CSMD1: variants seen among roughly 807,000 people sequenced by gnomAD.
CSMD1 encodes CUB and sushi domain-containing protein 1.
A neutral mutation model predicts 417.5 loss-of-function variants in CSMD1; 213 were observed. The observed-to-expected ratio is 0.51, with a 90% CI of 0.46 to 0.57. The LOEUF is 0.57. Among genes scored for constraint, CSMD1 ranks in the 20% least tolerant of loss-of-function variants. The pLI, the probability that CSMD1 is intolerant of heterozygous loss-of-function variation, is 0.00. For synonymous variants in CSMD1, 2,862 were observed against 1,736.8 expected (o/e 1.65, Z -16.11); for missense variants, 6,923 against 4,529.7 (o/e 1.53, Z -15.17).
chr8:3,634,514 A>T (rs1796937175), intron 7 of CSMD1, among the ~76,000 whole-genome samples: 1 of 151,842 alleles, frequency 6.6e-6, no homozygotes, highest in Non-Finnish European at 1.5e-5. Context: ...TGTCTCCCGG[A>T]CTCTGCCCAT....
At chr8:4,370,764 A>G (rs933313079) in intron 3 of CSMD1, among the ~76,000 whole-genome samples, 3 of 152,178 alleles carry the variant, frequency 2.0e-5, no homozygotes, top group Non-Finnish European at 4.4e-5. Context: ...CCTGTGGCAA[A>G]TTTAATTCAC....
Position 3,493,717 on chromosome 8 carries a change from G to C in CSMD1, c.1354C>G (p.Leu452Val), listed in dbSNP as rs1796234415. 2.5e-6 allele frequency: 4 copies of C among 1,609,826 alleles called. No individual in the cohort carries two copies. Among genetic ancestry groups the C allele is most frequent in the African/African-American group, 1.3e-5 (1 of 74,884 alleles). ...TCCAGCTCAAACTCTTCAAAGGCAA[G>C]CTTGATGACCTAAATACAAGGTACG... ...TTTDPDKVIK[L>V]AFEEFELERG... is the part of the protein sequence containing the mutation. Residue 452 changes from leucine (L) to valine (V), a missense_variant, in exon 11 of 70, where the codon CTT becomes GTT. Coordinates refer to ENST00000635120, the MANE Select transcript of CSMD1 (RefSeq NM_033225.6).
At chr8:4,084,319 GGTTT>G (rs1308649920) in intron 3 of CSMD1, among the ~76,000 whole-genome samples, 6 of 106,734 alleles carry the variant, frequency 5.6e-5, no homozygotes, top group South Asian at 8.1e-4. Flanking sequence ...AAAAAATATT[GGTTT>G]GTTAAAAAAG....
intron 10 of CSMD1, among the ~76,000 whole-genome samples, chr8:3,515,743 C>T (rs1027654541): frequency 6.6e-6 from 1 of 152,194 alleles, no homozygotes; most frequent in Non-Finnish European, 1.5e-5. Flanking sequence ...CAGGTGTATG[C>T]CTTCCCCATT....
At chr8:3,663,055 G>C (rs556337250) in intron 7 of CSMD1, among the ~76,000 whole-genome samples, 2 of 152,182 alleles carry the variant, frequency 1.3e-5, no homozygotes, top group Non-Finnish European at 2.9e-5. Context: ...TGGGAATAAA[G>C]GAAAATGCAG....
intron 6 of CSMD1, among the ~76,000 whole-genome samples, chr8:3,719,745 C>A (rs1306649129): frequency 1.3e-5 from 2 of 152,152 alleles, no homozygotes; most frequent in Non-Finnish European, 2.9e-5. Flanking sequence ...TATATACTGG[C>A]TGCTTTCCAT....
intron 1 of CSMD1, among the ~76,000 whole-genome samples, chr8:4,690,415 T>G (rs577457976): frequency 6.6e-6 from 1 of 152,102 alleles, no homozygotes. Flanking sequence ...TTCAGAATAT[T>G]CAACAGCCAA....
intron 1 of CSMD1, among the ~76,000 whole-genome samples, chr8:4,928,335 TC>T (rs1176874287): frequency 6.6e-6 from 1 of 152,214 alleles, no homozygotes; most frequent in East Asian, 1.9e-4. Flanking sequence ...TTTGCCACCA[TC>T]CGGTATCACT....
intron 18 of CSMD1, among the ~76,000 whole-genome samples, chr8:3,386,341 C>G (rs190844533): frequency 6.6e-6 from 1 of 152,298 alleles, no homozygotes; most frequent in Non-Finnish European, 1.5e-5. Flanking sequence ...CCGAACTCGA[C>G]TCCCACCTAC....
intron 12 of CSMD1, among the ~76,000 whole-genome samples, chr8:3,457,156 T>G (rs1037662521): frequency 7.0e-6 from 1 of 142,674 alleles, no homozygotes; most frequent in Non-Finnish European, 1.6e-5. Flanking sequence ...GAACACCTCA[T>G]CCTGTACCTC....
intron 1 of CSMD1, among the ~76,000 whole-genome samples, chr8:4,972,681 T>A (rs567838596): frequency 1.3e-5 from 2 of 150,042 alleles, no homozygotes; most frequent in South Asian, 4.2e-4. Flanking sequence ...TGACTTTCCT[T>A]CAACAACCCT....
chr8:4,012,881 G>C (rs981024262), intron 4 of CSMD1, among the ~76,000 whole-genome samples: 4 of 152,090 alleles, frequency 2.6e-5, no homozygotes, highest in African/African-American at 9.7e-5. Context: ...TCTCTCATGT[G>C]TCACAACCAC....
chr8:3,384,919 C>T (rs1203545285), intron 18 of CSMD1, among the ~76,000 whole-genome samples: 3 of 119,490 alleles, frequency 2.5e-5, no homozygotes, highest in African/African-American at 1.0e-4. Flanking sequence ...TTATATATTA[C>T]ATATGCTAAT....
chr8:3,617,284 T>G (rs1005428091), intron 7 of CSMD1, among the ~76,000 whole-genome samples: 1 of 152,198 alleles, frequency 6.6e-6, no homozygotes, highest in Non-Finnish European at 1.5e-5. Flanking sequence ...CTAAAACCCA[T>G]AATGGTTTCT....
At position 4,757,932 on chromosome 8, in the gene CSMD1, C is replaced by G. The variant is rs112091062; in HGVS notation, c.86-120374G>C. Among the ~76,000 whole-genome samples, 489 of 147,034 alleles carry G rather than the reference C, an allele frequency of 3.3e-3. 8 individuals are homozygous for G. Among genetic ancestry groups the G allele is most frequent in the African/African-American group, 0.012 (472 of 39,716 alleles). On this transcript the variant is annotated intron_variant, in intron 1 of 69. Coordinates refer to ENST00000635120, the MANE Select transcript of CSMD1 (RefSeq NM_033225.6). ...CGACATTGTGCCACCTGCACTCCATCCTGGGCAACAGAGAGAGACTTTGTC... is the reference window on the plus strand; with the variant it reads ...CGACATTGTGCCACCTGCACTCCATGCTGGGCAACAGAGAGAGACTTTGTC...
rs150057253 is a variant in CSMD1, at chr8:3,097,172, C to T, written c.6950-135G>A. On this transcript the variant is annotated intron_variant, in intron 46 of 69. Transcript: ENST00000635120. ...ATTGAGCTCTGGCCAAATTTAATAC[C>T]GAATGCAAACACAGAGGGAGGGCAA... The T allele has an allele frequency of 4.1e-4, 250 of 604,094 alleles. 2 individuals carry two copies. Among genetic ancestry groups the T allele is most frequent in the African/African-American group, 3.8e-3 (203 of 53,508 alleles). The allele number at this position is 604,094 out of a possible 1,614,324, so 37.4% of individuals were successfully genotyped here. A position where few individuals can be genotyped will look rare whatever the true frequency, so the allele number is the denominator to read the frequency against.
intron 26 of CSMD1, among the ~76,000 whole-genome samples, chr8:3,274,550 T>A (rs1585886805): frequency 6.6e-6 from 1 of 152,236 alleles, no homozygotes; most frequent in African/African-American, 2.4e-5. Flanking sequence ...CCATTATTAA[T>A]GTGTGGGAGT....
At chr8:3,392,001 C>G (rs1045390827) in intron 17 of CSMD1, among the ~76,000 whole-genome samples, 2 of 149,844 alleles carry the variant, frequency 1.3e-5, no homozygotes, top group African/African-American at 4.9e-5. Context: ...CAAACTATCA[C>G]AAAGACAAAA....
intron 5 of CSMD1, among the ~76,000 whole-genome samples, chr8:3,867,418 A>C (rs1805179062): frequency 6.6e-6 from 1 of 152,142 alleles, no homozygotes; most frequent in South Asian, 2.1e-4. Flanking sequence ...ATACTTACTC[A>C]GGAGTATTTG....
Sources: allele counts gnomAD v4.1 joint callset (sites outside exome capture counted in the v4.1 genomes callset), GRCh38; gene constraint gnomAD v4.1.1; transcripts MANE v1.5; gene names NCBI Gene and HGNC (gene_info 2026-07-23, HGNC 2026-07-21).